UBAC1: variants seen among roughly 807,000 people sequenced by gnomAD.
UBAC1 encodes the protein ubiquitin-associated domain-containing protein 1.
In UBAC1, 27 loss-of-function variants were observed where a neutral mutation model predicts 45.9. The observed-to-expected ratio is 0.59, with a 90% CI of 0.43 to 0.81. UBAC1 has a LOEUF of 0.81. Among genes scored for constraint, UBAC1 ranks in the 30% least tolerant of loss-of-function variants. The pLI, the probability that UBAC1 is intolerant of heterozygous loss-of-function variation, is 0.00. For synonymous variants in UBAC1, 227 were observed against 215.5 expected, an observed-to-expected ratio of 1.05 and a Z score of -0.47; for missense variants, 529 against 539.2, an observed-to-expected ratio of 0.98 and a Z score of 0.19.
At chr9:135,944,861 G>A (rs1839308164) in intron 7 of UBAC1, among the ~76,000 whole-genome samples, 167 bp downstream of exon 7, 1 of 151,992 alleles carries the variant, frequency 6.6e-6, no homozygotes, top group South Asian at 2.1e-4. Context: ...CCCCAGGCTC[G>A]CCATTTCCCA....
intron 7 of UBAC1, among the ~76,000 whole-genome samples, chr9:135,943,379 G>A (rs1030729578): frequency 6.6e-6 from 1 of 152,180 alleles, no homozygotes; most frequent in Non-Finnish European, 1.5e-5. Context: ...CTGATCATTA[G>A]AGAAATGCAA....
rs35005080 is a variant in UBAC1, at chr9:135,938,235, C to T, written c.1089G>A (p.Pro363=). The stretch of plus-strand genomic sequence containing the variant: ...AGGCGCACATACCTAGCAATGTTTT[C>T]GGGTTGGTCAGGCCCAGCTGCACCA... ...NPVVQLGLTN[P]KTLLAFEDML... is the part of the protein sequence containing the mutation. Residue 363 remains proline (P), a synonymous_variant, in exon 9 of 10, where the codon CCG becomes CCA. Transcript: ENST00000371756. The T allele has an allele frequency of 0.021, 34,627 of 1,613,968 alleles. 479 individuals are homozygous for T. Among genetic ancestry groups the T allele is most frequent in the South Asian group, 0.022 (1,993 of 91,072 alleles).
chr9:135,953,017 G>C (rs1259393478), intron 3 of UBAC1, among the ~76,000 whole-genome samples: 1 of 152,210 alleles, frequency 6.6e-6, no homozygotes, highest in Non-Finnish European at 1.5e-5. Context: ...TGTCAGGACT[G>C]ACTTGGCTGC....
chr9:135,938,328 A>C lies in UBAC1; in HGVS notation c.996T>G (p.Ser332=). The C allele has an allele frequency of 6.2e-7, 1 of 1,614,002 alleles. No homozygotes were observed. Among genetic ancestry groups the C allele is most frequent in the Non-Finnish European group, 8.5e-7 (1 of 1,180,022 alleles). ...CEWLLGDRKP[S]PEELDKGIDP... is the part of the protein sequence containing the mutation. ...CGATGCCCTTGTCCAGCTCCTCCGG[A>C]GAGGGCTTCCGGTCCCCCAGCAGCC... Residue 332 remains serine, a synonymous_variant, in exon 9 of 10, where the codon TCT becomes TCG. Coordinates refer to ENST00000371756, the MANE Select transcript of UBAC1 (RefSeq NM_016172.3).
intron 7 of UBAC1, among the ~76,000 whole-genome samples, chr9:135,943,403 T>C (rs1393801829): frequency 1.3e-5 from 2 of 152,086 alleles, no homozygotes; most frequent in African/African-American, 4.8e-5. Flanking sequence ...AAAACCACAA[T>C]GAGATACCAT....
intron 7 of UBAC1, among the ~76,000 whole-genome samples, chr9:135,941,827 G>A (rs1839273073): frequency 6.6e-6 from 1 of 152,242 alleles, no homozygotes; most frequent in Non-Finnish European, 1.5e-5. Flanking sequence ...GGGGCAGCAG[G>A]AAATCTGTTT....
At chr9:135,937,760 C>T (rs966444310) in intron 9 of UBAC1, among the ~76,000 whole-genome samples, 1 of 152,234 alleles carries the variant, frequency 6.6e-6, no homozygotes, top group African/African-American at 2.4e-5. Flanking sequence ...ATAGTAGATA[C>T]ATGGCTATTA....
intron 7 of UBAC1, among the ~76,000 whole-genome samples, chr9:135,940,563 G>A (rs1385575875): frequency 2.1e-5 from 3 of 146,098 alleles, no homozygotes; most frequent in Admixed American, 6.9e-5. Flanking sequence ...CTGGGCGACA[G>A]AGCGAGACTC....
intron 9 of UBAC1, among the ~76,000 whole-genome samples, chr9:135,937,373 G>A (rs186328152): frequency 5.3e-5 from 8 of 151,388 alleles, no homozygotes; most frequent in East Asian, 1.9e-4. Flanking sequence ...CCTGGGAGGC[G>A]GAGGTTGCAG....
At chr9:135,948,342 G>C (rs1464096304) in intron 3 of UBAC1, among the ~76,000 whole-genome samples, 2 of 152,278 alleles carry the variant, frequency 1.3e-5, no homozygotes, top group African/African-American at 4.8e-5. Flanking sequence ...TGATGGGAGA[G>C]GAACAGAACC....
chr9:135,955,601 T>C (rs1411964578), intron 1 of UBAC1, among the ~76,000 whole-genome samples, 186 bp from the exon 2 acceptor site: 1 of 152,212 alleles, frequency 6.6e-6, no homozygotes, highest in African/African-American at 2.4e-5. Context: ...ATAGCACCAG[T>C]GAGCTGATCC....
intron 1 of UBAC1, among the ~76,000 whole-genome samples, chr9:135,959,756 G>A (rs945554928): frequency 1.3e-5 from 2 of 152,318 alleles, no homozygotes; most frequent in East Asian, 1.9e-4. Flanking sequence ...AGTTACCGGC[G>A]CTGGAGCTTA....
chr9:135,958,635 C>T (rs966016933), intron 1 of UBAC1, among the ~76,000 whole-genome samples: 4 of 152,112 alleles, frequency 2.6e-5, no homozygotes, highest in Admixed American at 1.3e-4. Flanking sequence ...GGGGACCTGG[C>T]GAGGAGGAAC....
At chr9:135,940,142 C>A (rs1363112550) in intron 7 of UBAC1, among the ~76,000 whole-genome samples, 1 of 152,114 alleles carries the variant, frequency 6.6e-6, no homozygotes, top group African/African-American at 2.4e-5. Context: ...CGGCAGCCAC[C>A]GCAGGTTTAC....
intron 9 of UBAC1, among the ~76,000 whole-genome samples, chr9:135,934,674 A>G (rs1229157578): frequency 6.6e-6 from 1 of 152,176 alleles, no homozygotes; most frequent in Non-Finnish European, 1.5e-5. Flanking sequence ...AATAAAAATA[A>G]AAATCCCAGA....
intron 9 of UBAC1, among the ~76,000 whole-genome samples, chr9:135,934,236 G>A (rs895666609): frequency 6.6e-5 from 10 of 152,132 alleles, no homozygotes; most frequent in South Asian, 4.1e-4. Flanking sequence ...AGCCATTCAC[G>A]GCCCAGTAGC....
chr9:135,940,935 C>T (rs947407121), intron 7 of UBAC1, among the ~76,000 whole-genome samples: 2 of 152,228 alleles, frequency 1.3e-5, no homozygotes, highest in African/African-American at 4.8e-5. Flanking sequence ...CCCCACACAG[C>T]TCCCAGCACC....
intron 7 of UBAC1, 70 bp from the exon 8 acceptor site, chr9:135,939,829 G>A (rs1222891258): frequency 7.2e-7 from 1 of 1,392,598 alleles, no homozygotes; most frequent in Non-Finnish European, 1.0e-6. Flanking sequence ...CCTGCGTGCA[G>A]AGGGGCCCGC....
rs376076369 is a variant in UBAC1 at position 135,938,188 on chromosome 9, G to A, written c.1102+34C>T. 3.1e-5 allele frequency: 50 copies of A among 1,607,156 alleles called. 1 individual carries two copies. Among genetic ancestry groups the A allele is most frequent in the African/African-American group, 9.3e-5 (7 of 74,876 alleles). ...TGCAAGGGAACCAGCCAGCCTCCCC[G>A]ACCCGAGACTTAGCATAAAGAAGGC... On this transcript the variant is annotated intron_variant, in intron 9 of 9. Coordinates refer to ENST00000371756, the MANE Select transcript of UBAC1 (RefSeq NM_016172.3).
Sources: allele counts gnomAD v4.1 joint callset (sites outside exome capture counted in the v4.1 genomes callset), GRCh38; gene constraint gnomAD v4.1.1; transcripts MANE v1.5; gene names NCBI Gene and HGNC (gene_info 2026-07-23, HGNC 2026-07-21).